OLFM4: variants seen among roughly 807,000 people sequenced by gnomAD.
OLFM4 encodes the protein olfactomedin-4.
Under a neutral mutation model 25.5 loss-of-function variants are expected in OLFM4, and 22 were observed. That is an observed-to-expected ratio of 0.86 (90% CI 0.62 to 1.23). The LOEUF (loss-of-function observed/expected upper bound fraction) is 1.23. OLFM4 is among the 50% of genes most tolerant of loss of function. The pLI is 0.00. For missense variants in OLFM4, 594 were observed against 619.4 expected (o/e 0.96, Z 0.44); for synonymous variants, 255 against 237.7 (o/e 1.07, Z -0.67).
intron 4 of OLFM4, among the ~76,000 whole-genome samples, chr13:53,043,847 A>G (rs1464423203): frequency 6.6e-6 from 1 of 152,194 alleles, no homozygotes; most frequent in African/African-American, 2.4e-5. Flanking sequence ...GTGTCTTGCC[A>G]TTCCTCATGG....
At chr13:53,049,714 T>C (rs1954734619) in intron 4 of OLFM4, among the ~76,000 whole-genome samples, 1 of 152,212 alleles carries the variant, frequency 6.6e-6, no homozygotes, top group Non-Finnish European at 1.5e-5. Flanking sequence ...GGTTTCATTA[T>C]TCCTATTTTC....
At chr13:53,033,633 A>G (rs1313744339) in intron 1 of OLFM4, among the ~76,000 whole-genome samples, 4 of 152,218 alleles carry the variant, frequency 2.6e-5, no homozygotes, top group Non-Finnish European at 4.4e-5. Flanking sequence ...GGTTATCTCT[A>G]TTTTACAGAT....
intron 2 of OLFM4, among the ~76,000 whole-genome samples, 170 bp from the exon 3 acceptor site, chr13:53,041,740 G>C (rs1161379443): frequency 6.6e-6 from 1 of 152,166 alleles, no homozygotes; most frequent in Non-Finnish European, 1.5e-5. Context: ...TAAGTTCTTT[G>C]TATATGGATA....
At chr13:53,036,355 AT>A (rs1954658402) in intron 2 of OLFM4, among the ~76,000 whole-genome samples, 1 of 152,222 alleles carries the variant, frequency 6.6e-6, no homozygotes, top group South Asian at 2.1e-4. Context: ...CTAGGTAAAG[AT>A]CTTTTCAGTT....
In OLFM4 at chr13:53,043,125, G is replaced by C. The variant is rs768010019; in HGVS notation, c.591G>C (p.Leu197Phe). The C allele has an allele frequency of 3.1e-6, 5 of 1,605,084 alleles. No individual in the cohort carries two copies. The highest frequency in any genetic ancestry group is 4.2e-6 in the Non-Finnish European group (5 of 1,177,092). Residue 197 changes from leucine to phenylalanine, a missense_variant, in exon 4 of 5, where the codon TTG (leucine) becomes TTC (phenylalanine). Transcript: ENST00000219022. ...LEVEIRNMTLLVEKLETLDKN... is the reference protein window; with the variant it reads ...LEVEIRNMTLFVEKLETLDKN... ...CTTAGATAAGAAATATGACTCTCTT[G>C]GTAGAGAAGCTTGAGACACTAGACA...
intron 4 of OLFM4, 23 bp from the exon 5 acceptor site, chr13:53,049,946 T>C (rs1954736369): frequency 6.4e-7 from 1 of 1,560,934 alleles, no homozygotes; most frequent in Non-Finnish European, 8.7e-7. Context: ...TAAAAATGCC[T>C]TTTTATTTTC....
In OLFM4 at chr13:53,043,170, T is replaced by A; in HGVS notation, c.636T>A (p.Ile212=). 1.2e-6 allele frequency: 2 copies of A among 1,613,566 alleles called. No homozygotes were observed. The highest frequency in any genetic ancestry group is 4.5e-5 in the East Asian group (2 of 44,850). ...TAGACAAAAACAATGTCCTTGCCAT[T>A]CGCCGAGAAATCGTGGCTCTGAAGA... ...ETLDKNNVLA[I]RREIVALKTK... The change falls in exon 4 of 5, where the codon ATT becomes ATA. Residue 212 remains isoleucine, a synonymous_variant. Coordinates refer to ENST00000219022, the MANE Select transcript of OLFM4 (RefSeq NM_006418.5).
At chr13:53,033,276 T>G (rs1954638558) in intron 1 of OLFM4, among the ~76,000 whole-genome samples, 1 of 152,142 alleles carries the variant, frequency 6.6e-6, no homozygotes, top group African/African-American at 2.4e-5. Flanking sequence ...TTTCTGCAAA[T>G]GGTAAGCTGG....
chr13:53,050,363 T>G lies in OLFM4; in HGVS notation c.1125T>G (p.Tyr375Ter). 1 of 1,614,096 alleles carries G rather than the reference T, an allele frequency of 6.2e-7. No homozygotes were observed. Among genetic ancestry groups the G allele is most frequent in the Non-Finnish European group, 8.5e-7 (1 of 1,179,966 alleles). The change falls in exon 5 of 5, where the codon TAT (tyrosine) becomes TAG (stop). Residue 375 changes from tyrosine to a stop codon, truncating the protein, a stop_gained. Transcript: ENST00000219022. LOFTEE classifies it high-confidence loss of function. ...PNAAYNNRFSYANVAWQDIDF... is the reference protein window; with the variant it reads ...PNAAYNNRFS The stretch of plus-strand genomic sequence containing the variant: ...CTGCCTATAATAACCGCTTTTCATA[T>G]GCTAATGTTGCTTGGCAAGATATTG...
rs772052812 is a variant in OLFM4 at position 53,050,378 on chromosome 13, G to A, written c.1140G>A (p.Trp380Ter). The A allele has an allele frequency of 6.2e-7, 1 of 1,613,866 alleles. No individual in the cohort carries two copies. Among genetic ancestry groups the A allele is most frequent in the African/African-American group, 1.3e-5 (1 of 74,866 alleles). ...GCTTTTCATATGCTAATGTTGCTTG[G>A]CAAGATATTGACTTTGCTGTGGATG... The part of the protein sequence containing the change: ...NNRFSYANVA[W>*]QDIDFAVDEN... The change falls in exon 5 of 5, where the codon TGG becomes TGA. Residue 380 changes from tryptophan to a stop codon, truncating the protein, a stop_gained. Coordinates refer to ENST00000219022, the MANE Select transcript of OLFM4 (RefSeq NM_006418.5). LOFTEE classifies it high-confidence loss of function.
chr13:53,038,002 G>T (rs909855145), intron 2 of OLFM4, among the ~76,000 whole-genome samples: 2 of 152,146 alleles, frequency 1.3e-5, no homozygotes, highest in African/African-American at 2.4e-5. Flanking sequence ...GATATAGTAT[G>T]TGCATAACAA....
Position 53,050,938 on chromosome 13 carries a change from A to G in OLFM4, c.*167A>G. ...CTAGGACATTTGTCTTGATTTGGTG[A>G]GTTCTCTTGGGAATCATCTGCCTCT... On this transcript the variant is annotated 3_prime_UTR_variant, in exon 5 of 5. Transcript: ENST00000219022. 1 of 617,756 alleles carries G rather than the reference A, an allele frequency of 1.6e-6. No individual in the cohort carries two copies. 38.3% of individuals were successfully genotyped at this position (617,756 alleles called of 1,614,324 possible).
chr13:53,035,652 C>A (rs1369527706), intron 2 of OLFM4, among the ~76,000 whole-genome samples: 1 of 152,174 alleles, frequency 6.6e-6, no homozygotes, highest in East Asian at 1.9e-4. Flanking sequence ...ATTGTCTCAG[C>A]AGGAACATTA....
chr13:53,036,161 G>A (rs566610476), intron 2 of OLFM4, among the ~76,000 whole-genome samples: 45 of 152,282 alleles, frequency 3.0e-4, no homozygotes, highest in African/African-American at 1.1e-3. Flanking sequence ...GAGTGTCCAG[G>A]AAAATGTGTT....
intron 1 of OLFM4, among the ~76,000 whole-genome samples, chr13:53,032,854 A>G (rs1954636456): frequency 6.6e-6 from 1 of 152,184 alleles, no homozygotes; most frequent in Non-Finnish European, 1.5e-5. Flanking sequence ...CAGCTTGATC[A>G]GGCATTATGG....
chr13:53,034,683 A>C lies in OLFM4; in HGVS notation c.357+183A>C, dbSNP rs111245925. On this transcript the variant is annotated intron_variant, in intron 2 of 4. Transcript: ENST00000219022. ...TTCTTATTAAGGCAGGGAAAATGAG[A>C]GCACAGGAAGAAAGTGGGGTTCAAA... Among the ~76,000 whole-genome samples, 1,508 of 152,310 alleles carry C rather than the reference A, an allele frequency of 9.9e-3. 19 individuals carry two copies. The highest frequency in any genetic ancestry group is 0.032 in the African/African-American group (1,349 of 41,566).
At chr13:53,047,661 A>G (rs1047818378) in intron 4 of OLFM4, among the ~76,000 whole-genome samples, 1 of 152,196 alleles carries the variant, frequency 6.6e-6, no homozygotes, top group African/African-American at 2.4e-5. Flanking sequence ...TGGTCAACTT[A>G]TGAAATGATG....
At chr13:53,042,647 T>C (rs909587869) in intron 3 of OLFM4, among the ~76,000 whole-genome samples, 1 of 152,210 alleles carries the variant, frequency 6.6e-6, no homozygotes, top group Non-Finnish European at 1.5e-5. Context: ...ATTAACGTTA[T>C]GGTTGGGTAA....
intron 3 of OLFM4, 91 bp from the exon 4 acceptor site, chr13:53,043,014 A>G (rs1954695462): frequency 5.2e-6 from 5 of 967,840 alleles, no homozygotes; most frequent in Admixed American, 2.6e-5. Context: ...TTCTCTGGCA[A>G]TGTTTCACTA....
Sources: allele counts gnomAD v4.1 joint callset (sites outside exome capture counted in the v4.1 genomes callset), GRCh38; gene constraint gnomAD v4.1.1; transcripts MANE v1.5; gene names NCBI Gene and HGNC (gene_info 2026-07-23, HGNC 2026-07-21).